KCNQ1: variants seen among roughly 807,000 people sequenced by gnomAD.
The protein encoded by KCNQ1 is potassium voltage-gated channel subfamily Q member 1, also known as potassium voltage-gated channel subfamily KQT member 1.
KCNQ1 carries 49 observed loss-of-function variants against 72.4 expected under a neutral mutation model. The ratio of observed to expected loss-of-function variants is 0.68; its 90% confidence interval spans 0.54 to 0.86. The LOEUF (loss-of-function observed/expected upper bound fraction) is 0.86. Among genes scored for constraint, KCNQ1 ranks in the 40% least tolerant of loss-of-function variants. KCNQ1 has a pLI of 0.00. For synonymous variants in KCNQ1, 450 were observed against 412.6 expected, an observed-to-expected ratio of 1.09 and a Z score of -1.10; for missense variants, 790 against 945.1, an observed-to-expected ratio of 0.84 and a Z score of 2.15.
chr11:2,743,436 T>C (rs2133954742), intron 11 of KCNQ1, among the ~76,000 whole-genome samples: 1 of 152,338 alleles, frequency 6.6e-6, no homozygotes, highest in Admixed American at 6.5e-5. Flanking sequence ...TTATCCCAGC[T>C]TTTACCCAGA....
rs1460276379 is a variant in KCNQ1, at chr11:2,784,399, A to T, written c.1794+6362A>T. ...TCTGTAAGTCTATATGCCTTTCTGT[A>T]AACCCATACTATACTGTCTTGATTA... On this transcript the variant is annotated intron_variant, in intron 15 of 15. Coordinates refer to ENST00000155840, the MANE Select transcript of KCNQ1 (RefSeq NM_000218.3). The surrounding 1 kb of genome is among the most constrained non-coding windows in gnomAD (Gnocchi z 4.7). 6.6e-6 allele frequency among the ~76,000 whole-genome samples: 1 copy of T among 151,984 alleles called. No individual in the cohort carries two copies. Among genetic ancestry groups the T allele is most frequent in the East Asian group, 1.9e-4 (1 of 5,206 alleles).
At chr11:2,576,937 G>T (rs567301101) in intron 6 of KCNQ1, among the ~76,000 whole-genome samples, 2 of 152,338 alleles carry the variant, frequency 1.3e-5, no homozygotes, top group East Asian at 3.9e-4. Context: ...CTGCCCTACT[G>T]AGTGGGCCTG....
Position 2,623,444 on chromosome 11 carries a change from C to T in KCNQ1, c.1393+34590C>T. The T allele has an allele frequency of 2.5e-6, 1 of 398,596 alleles. No individual in the cohort carries two copies. The highest frequency in any genetic ancestry group is 4.4e-6 in the Non-Finnish European group (1 of 226,066). The allele number at this position is 398,596 out of a possible 1,614,324, so 24.7% of individuals were successfully genotyped here. ...TATTCAACCCTTCTTCCCCAACAAC[C>T]CTTGGCAACCACTGAACTTTTTACT... On this transcript the variant is annotated intron_variant, in intron 10 of 15. Transcript: ENST00000155840. The surrounding 1 kb of genome is among the most constrained non-coding windows in gnomAD (Gnocchi z 5.2).
intron 10 of KCNQ1, chr11:2,619,499 A>C: frequency 1.0e-5 from 4 of 398,582 alleles, no homozygotes; most frequent in Non-Finnish European, 1.8e-5. Flanking sequence ...TAAGATTTGC[A>C]TGCCAGAAAT....
In KCNQ1 at chr11:2,447,756, G is replaced by A. The variant is rs1003457690; in HGVS notation, c.386+2272G>A. On this transcript the variant is annotated intron_variant, in intron 1 of 15. Transcript: ENST00000155840. This position sits in a 1 kb window ranked among gnomAD's most constrained non-coding sequence, Gnocchi z 7.6. ...TGAGAAATATTGTGGTTTCTGGCCT[G>A]AAGACGACAAGCCTGGCCTTGAAGA... Among the ~76,000 whole-genome samples the A allele has an allele frequency of 2.6e-5, 4 of 152,194 alleles. No individual in the cohort carries two copies. The highest frequency in any genetic ancestry group is 9.6e-5 in the African/African-American group (4 of 41,458).
At chr11:2,737,065 C>G (rs745859813) in intron 11 of KCNQ1, among the ~76,000 whole-genome samples, 7 of 152,198 alleles carry the variant, frequency 4.6e-5, no homozygotes, top group Non-Finnish European at 8.8e-5. Context: ...GTACCACTTT[C>G]CATTAGTGGG....
chr11:2,653,596 A>G lies in KCNQ1; in HGVS notation c.1394-8365A>G, dbSNP rs912440968. 2 of 398,148 alleles carry G rather than the reference A, an allele frequency of 5.0e-6. No homozygotes were observed. Among genetic ancestry groups the G allele is most frequent in the African/African-American group, 4.1e-5 (2 of 48,444 alleles). The allele number at this position is 398,148 out of a possible 1,614,324, so 24.7% of individuals were successfully genotyped here. A position where few individuals can be genotyped will look rare whatever the true frequency, so the allele number is the denominator to read the frequency against. On this transcript the variant is annotated intron_variant, in intron 10 of 15. Coordinates refer to ENST00000155840, the MANE Select transcript of KCNQ1 (RefSeq NM_000218.3). The surrounding 1 kb of genome is among the most constrained non-coding windows in gnomAD (Gnocchi z 5.3). Reference sequence around the variant, plus strand: ...TTGTTCTCCCTTTCCCTTGCTCTCTATCCATTGGCCCCATGGGATGGCTGT... The same window carrying G: ...TTGTTCTCCCTTTCCCTTGCTCTCTGTCCATTGGCCCCATGGGATGGCTGT...
intron 1 of KCNQ1, among the ~76,000 whole-genome samples, chr11:2,523,339 G>T (rs1847425656): frequency 6.6e-6 from 1 of 152,106 alleles, no homozygotes; most frequent in Non-Finnish European, 1.5e-5. Flanking sequence ...GATTACAGGA[G>T]CACACCACCA....
rs887000509 is a variant in KCNQ1, at chr11:2,526,830, C to T, written c.387-1098C>T. Among the ~76,000 whole-genome samples, 7 of 151,958 alleles carry T rather than the reference C, an allele frequency of 4.6e-5. No homozygotes were observed. Among genetic ancestry groups the T allele is most frequent in the East Asian group, 1.9e-4 (1 of 5,160 alleles). ...CTCAGGATGGCAGGATCTCAGGGAG[C>T]GGAGGGAGCCTGGGGCACCCTATGC... On this transcript the variant is annotated intron_variant, in intron 1 of 15. Transcript: ENST00000155840. This position sits in a 1 kb window ranked among gnomAD's most constrained non-coding sequence, Gnocchi z 6.1.
In KCNQ1 at chr11:2,579,904, C is replaced by T. The variant is rs979284878; in HGVS notation, c.922-3531C>T. On this transcript the variant is annotated intron_variant, in intron 6 of 15. Coordinates refer to ENST00000155840, the MANE Select transcript of KCNQ1 (RefSeq NM_000218.3). The surrounding 1 kb of genome is among the most constrained non-coding windows in gnomAD (Gnocchi z 6.0). The stretch of plus-strand genomic sequence containing the variant: ...CGGGTGTCCTTACGCGAGCAGGTGG[C>T]TACCTCACCTGCTCACCTGACCCCA... 2.0e-5 allele frequency among the ~76,000 whole-genome samples: 3 copies of T among 152,112 alleles called. No homozygotes were observed. The highest frequency in any genetic ancestry group is 4.4e-5 in the Non-Finnish European group (3 of 68,000).
chr11:2,460,643 C>T (rs911861511), intron 1 of KCNQ1, among the ~76,000 whole-genome samples: 1 of 152,218 alleles, frequency 6.6e-6, no homozygotes, highest in African/African-American at 2.4e-5. Flanking sequence ...TTTGCATGGG[C>T]CCCTTTGCCA....
intron 2 of KCNQ1, among the ~76,000 whole-genome samples, chr11:2,569,550 G>A (rs1633936): frequency 2.0e-5 from 3 of 152,218 alleles, no homozygotes; most frequent in Non-Finnish European, 2.9e-5. Context: ...GGAGTCCGCC[G>A]GAAGTGGGCC....
intron 15 of KCNQ1, among the ~76,000 whole-genome samples, chr11:2,778,790 A>G (rs1166375559): frequency 1.3e-5 from 2 of 152,240 alleles, no homozygotes; most frequent in Non-Finnish European, 2.9e-5. Context: ...GAGGAGTTTC[A>G]GTTGGGCAGG....
chr11:2,699,596 G>A (rs946239245), intron 11 of KCNQ1: 4 of 352,054 alleles, frequency 1.1e-5, no homozygotes, highest in African/African-American at 8.6e-5. Flanking sequence ...GAACAGAACC[G>A]CGGCGAGAGG....
chr11:2,460,414 G>C (rs1215375262), intron 1 of KCNQ1, among the ~76,000 whole-genome samples: 1 of 152,210 alleles, frequency 6.6e-6, no homozygotes, highest in African/African-American at 2.4e-5. Context: ...GGCCCTGCGG[G>C]TACAGGTACT....
At position 2,544,370 on chromosome 11, in the gene KCNQ1, GTA is replaced by G. The variant is rs1398058276; in HGVS notation, c.477+16360_477+16361del. 7.0e-6 allele frequency among the ~76,000 whole-genome samples: 1 copy of G among 143,620 alleles called. No homozygotes were observed. Among genetic ancestry groups the G allele is most frequent in the Non-Finnish European group, 1.5e-5 (1 of 66,446 alleles). The allele number at this position is 143,620 out of a possible 152,430, so 94.2% of individuals were successfully genotyped here. ...TGTATATATATGTGTATATATATGTGTATATATATGTGTGCATATATGTGTAT... is the reference window on the plus strand; with the variant it reads ...TGTATATATATGTGTATATATATGTGTATATATGTGTGCATATATGTGTAT... On this transcript the variant is annotated intron_variant, in intron 2 of 15. Coordinates refer to ENST00000155840, the MANE Select transcript of KCNQ1 (RefSeq NM_000218.3). The surrounding 1 kb of genome is among the most constrained non-coding windows in gnomAD (Gnocchi z 4.4).
At chr11:2,797,577 G>A (rs1302566472) in intron 15 of KCNQ1, among the ~76,000 whole-genome samples, 1 of 151,746 alleles carries the variant, frequency 6.6e-6, no homozygotes, top group Non-Finnish European at 1.5e-5. Flanking sequence ...GGAGCTCGAG[G>A]GCCCTTTCCC....
rs1850339454 is a variant in KCNQ1, at chr11:2,678,881, A to C, written c.1514+16800A>C. ...TGCACAGGAGTTGCCAGCTGGACCC[A>C]AGGACCATTTCGTATACATGTATGA... On this transcript the variant is annotated intron_variant, in intron 11 of 15. Coordinates refer to ENST00000155840, the MANE Select transcript of KCNQ1 (RefSeq NM_000218.3). This position sits in a 1 kb window ranked among gnomAD's most constrained non-coding sequence, Gnocchi z 4.9. The C allele has an allele frequency of 2.5e-6, 1 of 398,504 alleles. No individual in the cohort carries two copies. The highest frequency in any genetic ancestry group is 2.1e-5 in the African/African-American group (1 of 48,622). The allele number at this position is 398,504 out of a possible 1,614,324, so 24.7% of individuals were successfully genotyped here.
rs1302197516 is a variant in KCNQ1 at position 2,544,903 on chromosome 11, C to T, written c.477+16885C>T. On this transcript the variant is annotated intron_variant, in intron 2 of 15. Coordinates refer to ENST00000155840, the MANE Select transcript of KCNQ1 (RefSeq NM_000218.3). The surrounding 1 kb of genome is among the most constrained non-coding windows in gnomAD (Gnocchi z 4.4). Reference sequence around the variant, plus strand: ...GCCTTAGAAGACACACATCATTGTTCACCGTCAAGGGTGATGTTGGCTCTG... The same window carrying T: ...GCCTTAGAAGACACACATCATTGTTTACCGTCAAGGGTGATGTTGGCTCTG... 2.0e-5 allele frequency among the ~76,000 whole-genome samples: 3 copies of T among 152,190 alleles called. No homozygotes were observed. Among genetic ancestry groups the T allele is most frequent in the Non-Finnish European group, 4.4e-5 (3 of 68,032 alleles).
Sources: allele counts gnomAD v4.1 joint callset (sites outside exome capture counted in the v4.1 genomes callset), GRCh38; gene constraint gnomAD v4.1.1; non-coding constraint Gnocchi (gnomAD v3.1); transcripts MANE v1.5; gene names NCBI Gene and HGNC (gene_info 2026-07-23, HGNC 2026-07-21).